The following TANC1 variants were observed in gnomAD, a reference collection of about 807,000 sequenced individuals.
The protein encoded by TANC1 is tetratricopeptide repeat, ankyrin repeat and coiled-coil containing 1.
In TANC1, 77 loss-of-function variants were observed where a neutral mutation model predicts 149.7. That is an observed-to-expected ratio of 0.51 (90% CI 0.43 to 0.62). TANC1 has a LOEUF of 0.62. Among genes scored for constraint, TANC1 ranks in the 20% least tolerant of loss-of-function variants. TANC1 has a pLI of 0.00. For missense variants in TANC1, 1,985 were observed against 2,321.8 expected, an observed-to-expected ratio of 0.85 and a Z score of 2.98; for synonymous variants, 854 against 925.0, an observed-to-expected ratio of 0.92 and a Z score of 1.39.
At chr2:159,179,271 C>T in intron 14 of TANC1, 108 bp downstream of exon 14, 1 of 1,385,198 alleles carries the variant, frequency 7.2e-7, no homozygotes, top group Non-Finnish European at 9.8e-7. Context: ...TCCAGAATGA[C>T]TAATTCAGTG....
chr2:159,015,731 T>C (rs2038206857), intron 2 of TANC1, among the ~76,000 whole-genome samples: 1 of 152,188 alleles, frequency 6.6e-6, no homozygotes, highest in Admixed American at 6.5e-5. Flanking sequence ...AAGTTCAGAG[T>C]TCCACAGATC....
At chr2:159,135,100 C>T (rs899571061) in intron 4 of TANC1, among the ~76,000 whole-genome samples, 1 of 152,208 alleles carries the variant, frequency 6.6e-6, no homozygotes, top group Non-Finnish European at 1.5e-5. Flanking sequence ...CATTACCCCA[C>T]AGGCCTGCAT....
At chr2:159,083,414 C>CT (rs2044492941) in intron 3 of TANC1, among the ~76,000 whole-genome samples, 1 of 152,042 alleles carries the variant, frequency 6.6e-6, no homozygotes, top group South Asian at 2.1e-4. Context: ...CTAGTAAACT[C>CT]TGTTTTTGGC....
intron 2 of TANC1, among the ~76,000 whole-genome samples, chr2:159,050,924 G>C (rs2041417644): frequency 6.6e-6 from 1 of 152,214 alleles, no homozygotes; most frequent in Non-Finnish European, 1.5e-5. Flanking sequence ...GAAGGCAAAA[G>C]AGAGTTGGCT....
intron 5 of TANC1, among the ~76,000 whole-genome samples, chr2:159,142,995 G>T (rs6731216): frequency 1.3e-5 from 2 of 149,632 alleles, no homozygotes; most frequent in Non-Finnish European, 3.0e-5. Context: ...CCCAGGAGTT[G>T]GTGGTTGCTG....
chr2:159,222,132 C>G (rs1375446769), intron 22 of TANC1, among the ~76,000 whole-genome samples: 1 of 152,184 alleles, frequency 6.6e-6, no homozygotes, highest in Non-Finnish European at 1.5e-5. Flanking sequence ...AAAACATACT[C>G]AACTAAATCT....
At chr2:159,062,231 C>A (rs111796211) in intron 2 of TANC1, among the ~76,000 whole-genome samples, 2 of 152,262 alleles carry the variant, frequency 1.3e-5, no homozygotes, top group Admixed American at 6.5e-5. Flanking sequence ...AAGTGAGACT[C>A]CTTCTCAAAA....
At chr2:159,115,917 G>A (rs942925897) in intron 4 of TANC1, among the ~76,000 whole-genome samples, 14 of 152,198 alleles carry the variant, frequency 9.2e-5, no homozygotes, top group African/African-American at 3.1e-4. Flanking sequence ...CCCTACCACA[G>A]GTGTAGGTGC....
chr2:159,192,586 T>A (rs965835959), intron 16 of TANC1, among the ~76,000 whole-genome samples: 1 of 152,200 alleles, frequency 6.6e-6, no homozygotes, highest in Non-Finnish European at 1.5e-5. Flanking sequence ...CACCCAGATA[T>A]AATGAATCAG....
intron 12 of TANC1, 59 bp from the exon 13 acceptor site, chr2:159,176,293 G>A: frequency 3.0e-6 from 3 of 1,013,880 alleles, no homozygotes; most frequent in Non-Finnish European, 4.2e-6. Context: ...TACACTGGGT[G>A]TTGCTGTCTT....
intron 2 of TANC1, among the ~76,000 whole-genome samples, chr2:159,016,720 G>GC (rs2038312920): frequency 6.6e-6 from 1 of 151,560 alleles, no homozygotes; most frequent in East Asian, 1.9e-4. Flanking sequence ...GACTACAGGT[G>GC]CCCCCCACCA....
chr2:159,106,683 A>G (rs2047216074), intron 4 of TANC1, among the ~76,000 whole-genome samples: 3 of 152,192 alleles, frequency 2.0e-5, no homozygotes, highest in Non-Finnish European at 2.9e-5. Flanking sequence ...CCTTGGGTAT[A>G]TACCTAGTGA....
At chr2:158,992,878 T>C (rs141887691) in intron 1 of TANC1, among the ~76,000 whole-genome samples, 303 of 152,232 alleles carry the variant, frequency 2.0e-3, no homozygotes, top group African/African-American at 6.9e-3. Flanking sequence ...CTTGGCTTTT[T>C]AAATAGCTGC....
intron 2 of TANC1, among the ~76,000 whole-genome samples, chr2:159,043,388 T>C (rs1314549515): frequency 6.6e-6 from 1 of 151,700 alleles, no homozygotes; most frequent in Admixed American, 6.6e-5. Context: ...GTGAGGAGAG[T>C]TGAGACCAGG....
intron 2 of TANC1, among the ~76,000 whole-genome samples, chr2:159,030,781 A>T (rs1020439941): frequency 3.3e-5 from 5 of 152,182 alleles, no homozygotes; most frequent in African/African-American, 1.2e-4. Context: ...TTCTGGCCAG[A>T]GGACCCTCAG....
At chr2:159,147,284 A>AGG (rs2052239674) in intron 5 of TANC1, among the ~76,000 whole-genome samples, 5 of 152,202 alleles carry the variant, frequency 3.3e-5, no homozygotes, top group South Asian at 4.1e-4. Flanking sequence ...TCGAAAGGGA[A>AGG]GGGGGGTGTG....
intron 4 of TANC1, among the ~76,000 whole-genome samples, chr2:159,133,344 CTT>C (rs796553146): frequency 2.1e-5 from 2 of 97,052 alleles, no homozygotes; most frequent in Admixed American, 1.4e-4. Flanking sequence ...GTTCTGGTTC[CTT>C]TTTTTTTTTT....
intron 2 of TANC1, among the ~76,000 whole-genome samples, chr2:159,015,929 C>G (rs902230092): frequency 6.6e-6 from 1 of 152,276 alleles, no homozygotes; most frequent in East Asian, 1.9e-4. Flanking sequence ...TCCAAACTTT[C>G]CCACATTCTT....
chr2:159,054,232 T>C (rs2041683018), intron 2 of TANC1, among the ~76,000 whole-genome samples: 1 of 152,222 alleles, frequency 6.6e-6, no homozygotes, highest in Admixed American at 6.5e-5. Context: ...TGTGTGACCC[T>C]GGGCAAGTCA....
Sources: gnomAD v4.1 joint callset for allele counts (sites outside exome capture counted in the v4.1 genomes callset) on GRCh38, gnomAD v4.1.1 for gene constraint, MANE v1.5 for transcripts, NCBI Gene and HGNC (gene_info 2026-07-23, HGNC 2026-07-21) for gene names.